Variants in PDE12 observed in about 807,000 individuals in gnomAD.
PDE12 encodes phosphodiesterase 12.
A neutral mutation model predicts 45.4 loss-of-function variants in PDE12; 26 were observed. That is an observed-to-expected ratio of 0.57 (90% confidence interval 0.42 to 0.79). The LOEUF (loss-of-function observed/expected upper bound fraction) is 0.79, where lower values mean the gene tolerates loss of function less well. Among genes scored for constraint, PDE12 ranks in the 30% least tolerant of loss-of-function variants. PDE12 has a pLI of 0.00. For missense variants in PDE12, 668 were observed against 790.0 expected (o/e 0.85, Z 1.85); for synonymous variants, 283 against 323.9 (o/e 0.87, Z 1.36).
At position 57,557,143 on chromosome 3, in the gene PDE12, G is replaced by A. The variant is rs2069672383; in HGVS notation, c.764G>A (p.Gly255Glu). The change falls in exon 1 of 3, where the codon GGG (glycine) becomes GAG (glutamate). Residue 255 changes from glycine (G) to glutamate (E), a missense_variant. Physicochemically the swap from Gly to Glu is moderately conservative, Grantham distance 98. Coordinates refer to ENST00000311180, the MANE Select transcript of PDE12 (RefSeq NM_177966.7). ...AAGCTTCACTGCACCCCAGGCGATGGGCAGCGCTTTGGGCACAGCCGGGAG... is the reference window on the plus strand; with the variant it reads ...AAGCTTCACTGCACCCCAGGCGATGAGCAGCGCTTTGGGCACAGCCGGGAG... Reference protein sequence around the residue: ...RLKLHCTPGDGQRFGHSRELE... With the variant: ...RLKLHCTPGDEQRFGHSRELE... 7.4e-6 allele frequency: 12 copies of A among 1,613,894 alleles called. No individual in the cohort carries two copies. The South Asian group carries it at 1.1e-4, about 15-fold the overall frequency.
chr3:57,559,865 T>C lies in PDE12; in HGVS notation c.1691T>C (p.Phe564Ser). 1 of 1,614,196 alleles carries C rather than the reference T, an allele frequency of 6.2e-7. No homozygotes were observed. The highest frequency in any genetic ancestry group is 8.5e-7 in the Non-Finnish European group (1 of 1,180,036). ...TTTCATGGATGTCTAGATTACATTT[T>C]CATTGACTTAAATGCTTTAGAGGTT... is the stretch of plus-strand genomic sequence containing the variant. ...GGFHGCLDYIFIDLNALEVEQ... is the reference protein window; with the variant it reads ...GGFHGCLDYISIDLNALEVEQ... Residue 564 changes from phenylalanine (F) to serine (S), a missense_variant, in exon 3 of 3, where the codon TTC (phenylalanine) becomes TCC (serine). Phe to Ser is a radical substitution (Grantham distance 155). Transcript: ENST00000311180.
the PDE12 span, among the ~76,000 whole-genome samples, chr3:57,599,830 G>C: frequency 7.1e-4 from 107 of 149,776 alleles, 4 homozygotes; most frequent in South Asian, 1.9e-3. Flanking sequence ...CATTTCTTCT[G>C]GTATTAACTG....
At chr3:57,615,002 A>C in the PDE12 span, among the ~76,000 whole-genome samples, 40 of 151,566 alleles carry the variant, frequency 2.6e-4, no homozygotes, top group African/African-American at 9.7e-4. Context: ...CAAAAAAAAA[A>C]AAAGTTTTTT....
the PDE12 span, among the ~76,000 whole-genome samples, chr3:57,623,555 T>C: frequency 6.6e-6 from 1 of 152,128 alleles, no homozygotes; most frequent in Non-Finnish European, 1.5e-5. Context: ...GGCGCACGCC[T>C]GTAATCCCAG....
the PDE12 span, among the ~76,000 whole-genome samples, chr3:57,652,056 AAAAT>A: frequency 1.3e-5 from 2 of 152,130 alleles, no homozygotes; most frequent in African/African-American, 4.8e-5. Flanking sequence ...AATAAAAATA[AAAAT>A]AAATAAATAA....
At chr3:57,604,062 T>G in the PDE12 span, among the ~76,000 whole-genome samples, 1 of 152,030 alleles carries the variant, frequency 6.6e-6, no homozygotes, top group South Asian at 2.1e-4. Flanking sequence ...TAGCTGAGAT[T>G]ACAGGCGCCT....
the PDE12 span, chr3:57,630,989 G>A: frequency 1.2e-6 from 2 of 1,608,186 alleles, no homozygotes; most frequent in Non-Finnish European, 8.5e-7. Context: ...CTAAAACCAA[G>A]AAAAAAGTTA....
chr3:57,622,863 G>A, the PDE12 span, among the ~76,000 whole-genome samples: 1 of 152,174 alleles, frequency 6.6e-6, no homozygotes, highest in African/African-American at 2.4e-5. Flanking sequence ...AGTATATACT[G>A]TATGATTCCA....
Position 57,565,379 on chromosome 3 carries a change from G to A in PDE12, c.*5375G>A, listed in dbSNP as rs1237433253. 2 of 152,150 alleles carry A rather than the reference G, an allele frequency of 1.3e-5. No homozygotes were observed. Among genetic ancestry groups the A allele is most frequent in the African/African-American group, 4.8e-5 (2 of 41,422 alleles). The allele number at this position is 152,150 out of a possible 1,614,324, so 9.4% of individuals were successfully genotyped here. On this transcript the variant is annotated 3_prime_UTR_variant, in exon 3 of 3. Coordinates refer to ENST00000311180, the MANE Select transcript of PDE12 (RefSeq NM_177966.7). ...AACATTTTATGGGTACATAGTAGGTGTATATATTTATGTGGGACATATTTC... is the reference window on the plus strand; with the variant it reads ...AACATTTTATGGGTACATAGTAGGTATATATATTTATGTGGGACATATTTC...
At chr3:57,572,143 A>T in the PDE12 span, 1 of 1,243,168 alleles carries the variant, frequency 8.0e-7, no homozygotes, top group South Asian at 1.2e-5. Context: ...CAAGATACAA[A>T]CTAATTTTGT....
At chr3:57,655,987 T>C in the PDE12 span, among the ~76,000 whole-genome samples, 1 of 152,260 alleles carries the variant, frequency 6.6e-6, no homozygotes, top group East Asian at 1.9e-4. Context: ...CTTCTTAGTA[T>C]ATTTTGCCTG....
the PDE12 span, among the ~76,000 whole-genome samples, chr3:57,590,855 T>G: frequency 6.6e-6 from 1 of 152,132 alleles, no homozygotes; most frequent in African/African-American, 2.4e-5. Context: ...ATTTTTAAAA[T>G]TTTTTTGTAG....
the PDE12 span, chr3:57,628,208 C>G: frequency 2.5e-6 from 4 of 1,609,184 alleles, no homozygotes; most frequent in African/African-American, 1.3e-5. Context: ...AAAATCTTGG[C>G]AAATATCATG....
chr3:57,561,788 C>G lies in PDE12; in HGVS notation c.*1784C>G, dbSNP rs916332145. ...AACATCTGTACTTTCATATTCTGCT[C>G]ACTATCAAATGTATTGTTAACACTT... On this transcript the variant is annotated 3_prime_UTR_variant, in exon 3 of 3. Coordinates refer to ENST00000311180, the MANE Select transcript of PDE12 (RefSeq NM_177966.7). The G allele has an allele frequency of 1.0e-6, 1 of 983,420 alleles. No homozygotes were observed. Among genetic ancestry groups the G allele is most frequent in the African/African-American group, 1.7e-5 (1 of 57,182 alleles). The allele number at this position is 983,420 out of a possible 1,614,324, so 60.9% of individuals were successfully genotyped here.
chr3:57,579,613 C>A, the PDE12 span, among the ~76,000 whole-genome samples: 1 of 152,102 alleles, frequency 6.6e-6, no homozygotes, highest in African/African-American at 2.4e-5. Flanking sequence ...TTCTGTTTAC[C>A]TCTCAGGATT....
Position 57,566,431 on chromosome 3 carries a change from GC to G in PDE12, c.*6429del, listed in dbSNP as rs2069787113. The G allele has an allele frequency of 6.6e-6, 1 of 152,124 alleles. No homozygotes were observed. The highest frequency in any genetic ancestry group is 1.5e-5 in the Non-Finnish European group (1 of 68,022). The allele number at this position is 152,124 out of a possible 1,614,324, so 9.4% of individuals were successfully genotyped here. On this transcript the variant is annotated 3_prime_UTR_variant, in exon 3 of 3. Coordinates refer to ENST00000311180, the MANE Select transcript of PDE12 (RefSeq NM_177966.7). Reference sequence around the variant, plus strand: ...CTTCCTGGCTTCTATGAATAATGCTGCCATAAACATTTGTGATAAGTTTTTG... The same window carrying G: ...CTTCCTGGCTTCTATGAATAATGCTGCATAAACATTTGTGATAAGTTTTTG...
chr3:57,654,841 C>G, the PDE12 span: 2 of 911,802 alleles, frequency 2.2e-6, no homozygotes, highest in Non-Finnish European at 2.6e-6. Flanking sequence ...AATCTATCAC[C>G]TTCAATATAA....
At chr3:57,631,280 T>G in the PDE12 span, 1 of 233,112 alleles carries the variant, frequency 4.3e-6, no homozygotes, top group Admixed American at 5.5e-5. Flanking sequence ...CACTACAACC[T>G]CTGCCCCCCG....
At chr3:57,632,714 ACTTT>A in the PDE12 span, among the ~76,000 whole-genome samples, 1 of 152,142 alleles carries the variant, frequency 6.6e-6, no homozygotes, top group Non-Finnish European at 1.5e-5. Context: ...TACTCCCTAT[ACTTT>A]AATATGACAT....
Sources: gnomAD v4.1 joint callset for allele counts (sites outside exome capture counted in the v4.1 genomes callset) on GRCh38, gnomAD v4.1.1 for gene constraint, MANE v1.5 for transcripts, NCBI Gene and HGNC (gene_info 2026-07-23, HGNC 2026-07-21) for gene names.